Variants in DTD1 observed in about 807,000 individuals in gnomAD.
DTD1 encodes D-aminoacyl-tRNA deacylase 1, also known as D-tyrosyl-tRNA deacylase 1 homolog.
Under a neutral mutation model 25.6 loss-of-function variants are expected in DTD1, and 13 were observed. That is an observed-to-expected ratio of 0.51 (90% confidence interval 0.33 to 0.81). DTD1 has a LOEUF of 0.81. Among genes scored for constraint, DTD1 ranks in the 30% least tolerant of loss-of-function variants. DTD1 has a pLI of 0.02. For missense variants in DTD1, 193 were observed against 266.4 expected (o/e 0.72, Z 1.92); for synonymous variants, 110 against 103.6 (o/e 1.06, Z -0.37).
At chr20:18,762,883 T>C (rs1079235) in intron 5 of DTD1, among the ~76,000 whole-genome samples, 80,833 of 151,842 alleles carry the variant, frequency 0.53, 22,881 homozygotes, top group Non-Finnish European at 0.62. Flanking sequence ...GGATTTACTT[T>C]GCTTTTATTC....
chr20:18,643,258 C>G (rs1465724931), intron 4 of DTD1: 1 of 330,092 alleles, frequency 3.0e-6, no homozygotes, highest in African/African-American at 2.2e-5. Context: ...GGAATCAATC[C>G]CAGGGTATGG....
At chr20:18,643,850 G>A (rs78437623) in intron 4 of DTD1, among the ~76,000 whole-genome samples, 3,603 of 151,340 alleles carry the variant, frequency 0.024, 156 homozygotes, top group African/African-American at 0.083. Flanking sequence ...TAGATTCAGG[G>A]TGTATGTGTG....
chr20:18,672,647 A>G (rs1003502466), intron 4 of DTD1, among the ~76,000 whole-genome samples: 1 of 152,224 alleles, frequency 6.6e-6, no homozygotes, highest in Non-Finnish European at 1.5e-5. Flanking sequence ...GGATTATTTT[A>G]TGGGTCTTAC....
At chr20:18,675,902 A>G (rs74199812) in intron 4 of DTD1, among the ~76,000 whole-genome samples, 13,621 of 141,070 alleles carry the variant, frequency 0.097, 1,358 homozygotes, top group Non-Finnish European at 0.14. Context: ...GGATCACAAC[A>G]TACTGATTTA....
intron 3 of DTD1, among the ~76,000 whole-genome samples, chr20:18,612,001 C>G (rs1253912188): frequency 8.6e-5 from 13 of 151,254 alleles, no homozygotes; most frequent in Non-Finnish European, 2.9e-5. Flanking sequence ...ATTACAGGCG[C>G]CCACGACCGT....
intron 4 of DTD1, among the ~76,000 whole-genome samples, chr20:18,721,939 T>A (rs2061205134): frequency 6.6e-6 from 1 of 152,066 alleles, no homozygotes; most frequent in Non-Finnish European, 1.5e-5. Context: ...ATGAGAGACA[T>A]CAGTCTCTTC....
intron 4 of DTD1, among the ~76,000 whole-genome samples, chr20:18,666,861 A>G (rs1057117290): frequency 1.3e-5 from 2 of 152,250 alleles, no homozygotes; most frequent in Non-Finnish European, 2.9e-5. Flanking sequence ...CAAAAAGCAC[A>G]TTAGTTTCCA....
intron 4 of DTD1, among the ~76,000 whole-genome samples, chr20:18,702,601 C>T (rs958847335): frequency 6.6e-6 from 1 of 152,058 alleles, no homozygotes; most frequent in African/African-American, 2.4e-5. Flanking sequence ...ACACAGTGAC[C>T]AGGAGCAGGT....
At chr20:18,611,791 A>G (rs2122278274) in intron 3 of DTD1, among the ~76,000 whole-genome samples, 1 of 152,206 alleles carries the variant, frequency 6.6e-6, no homozygotes, top group South Asian at 2.1e-4. Context: ...TTCTGTATAC[A>G]GTGGAACCCT....
chr20:18,745,724 G>A (rs750393205), intron 5 of DTD1, among the ~76,000 whole-genome samples: 10 of 152,190 alleles, frequency 6.6e-5, no homozygotes, highest in Non-Finnish European at 1.0e-4. Flanking sequence ...AAGTGGAGTG[G>A]GAGGGCAGGG....
At chr20:18,695,125 G>A (rs956220511) in intron 4 of DTD1, among the ~76,000 whole-genome samples, 1 of 152,068 alleles carries the variant, frequency 6.6e-6, no homozygotes, top group Non-Finnish European at 1.5e-5. Flanking sequence ...TTCCATGTTA[G>A]CATCAAGCCC....
Position 18,657,430 on chromosome 20 carries a change from A to T in DTD1, c.477+29197A>T, listed in dbSNP as rs185423588. On this transcript the variant is annotated intron_variant, in intron 4 of 5. Transcript: ENST00000377452. ...AGACTTTGGAGATAAAAATGGTCTAAAACTCAGACCATCACTTTTCTGCAA... is the reference window on the plus strand; with the variant it reads ...AGACTTTGGAGATAAAAATGGTCTATAACTCAGACCATCACTTTTCTGCAA... Among the ~76,000 whole-genome samples the T allele has an allele frequency of 4.7e-3, 713 of 152,368 alleles. 5 individuals carry two copies. In the Middle Eastern group the frequency reaches 0.058, roughly 12 times the overall value.
chr20:18,709,820 C>T (rs945254247), intron 4 of DTD1, among the ~76,000 whole-genome samples: 1 of 151,958 alleles, frequency 6.6e-6, no homozygotes, highest in African/African-American at 2.4e-5. Context: ...TACCTTCATG[C>T]CCAGAAGTTA....
intron 4 of DTD1, among the ~76,000 whole-genome samples, chr20:18,689,380 G>A (rs925413851): frequency 2.0e-5 from 3 of 152,138 alleles, no homozygotes; most frequent in African/African-American, 7.2e-5. Context: ...GATTTTCATA[G>A]AATCACCTAT....
At position 18,754,632 on chromosome 20, in the gene DTD1, C is replaced by A. The variant is rs577062962; in HGVS notation, c.*20-8728C>A. 3.3e-5 allele frequency among the ~76,000 whole-genome samples: 5 copies of A among 152,324 alleles called. No homozygotes were observed. The East Asian group carries it at 7.7e-4, about 23-fold the overall frequency. ...CAGCACTTCTAATTTGGCAGATGGACCTCACAGATAGCTCACTCCCACCTT... is the reference window on the plus strand; with the variant it reads ...CAGCACTTCTAATTTGGCAGATGGAACTCACAGATAGCTCACTCCCACCTT... On this transcript the variant is annotated intron_variant, in intron 5 of 5. Coordinates refer to ENST00000377452, the MANE Select transcript of DTD1 (RefSeq NM_080820.6).
chr20:18,650,158 G>A (rs1014131451), intron 4 of DTD1, among the ~76,000 whole-genome samples: 2 of 152,204 alleles, frequency 1.3e-5, no homozygotes, highest in Non-Finnish European at 2.9e-5. Flanking sequence ...GGGCCCAGGA[G>A]GTCAAGGCTG....
chr20:18,650,538 C>T (rs2060870482), intron 4 of DTD1, among the ~76,000 whole-genome samples: 1 of 152,216 alleles, frequency 6.6e-6, no homozygotes, highest in Non-Finnish European at 1.5e-5. Flanking sequence ...CCCAGTGCCC[C>T]ATGCTGCTCC....
At chr20:18,606,858 C>T (rs2060661332) in intron 3 of DTD1, among the ~76,000 whole-genome samples, 1 of 148,948 alleles carries the variant, frequency 6.7e-6, no homozygotes, top group Non-Finnish European at 1.5e-5. Context: ...AGCGCACCAG[C>T]ATGGCACATG....
At position 18,616,966 on chromosome 20, in the gene DTD1, G is replaced by A. The variant is rs555212646; in HGVS notation, c.371-11161G>A. ...AGGACTGGTCCATTTTGGTGGCTTTGCCATCCTTTCTATTCTTTCCATTCT... is the reference window on the plus strand; with the variant it reads ...AGGACTGGTCCATTTTGGTGGCTTTACCATCCTTTCTATTCTTTCCATTCT... On this transcript the variant is annotated intron_variant, in intron 3 of 5. Coordinates refer to ENST00000377452, the MANE Select transcript of DTD1 (RefSeq NM_080820.6). Among the ~76,000 whole-genome samples the A allele has an allele frequency of 3.3e-5, 5 of 152,232 alleles. No individual in the cohort carries two copies. The South Asian group carries it at 6.2e-4, about 19-fold the overall frequency.
Sources: gnomAD v4.1 joint callset for allele counts (sites outside exome capture counted in the v4.1 genomes callset) on GRCh38, gnomAD v4.1.1 for gene constraint, MANE v1.5 for transcripts, NCBI Gene and HGNC (gene_info 2026-07-23, HGNC 2026-07-21) for gene names.